The following BACH2 variants were observed in gnomAD, a reference collection of about 807,000 sequenced individuals.
BACH2 encodes the protein transcription regulator protein BACH2.
A neutral mutation model predicts 61.8 loss-of-function variants in BACH2; 5 were observed. The observed-to-expected ratio is 0.08, with a 90% confidence interval of 0.04 to 0.17. The LOEUF is 0.17. Ranked by LOEUF, BACH2 falls within the 10% of genes least tolerant of loss-of-function variation. BACH2 has a pLI of 1.00. For missense variants in BACH2, 824 were observed against 1,091.1 expected (o/e 0.76, Z 3.45); for synonymous variants, 446 against 440.1 (o/e 1.01, Z -0.17).
At chr6:90,096,905 T>C (rs905564610) in intron 4 of BACH2, among the ~76,000 whole-genome samples, 1 of 152,218 alleles carries the variant, frequency 6.6e-6, no homozygotes, top group Non-Finnish European at 1.5e-5. Context: ...AAATCAATCG[T>C]GCTTACTTCT....
At chr6:89,952,561 T>A (rs575005930) in intron 6 of BACH2, among the ~76,000 whole-genome samples, 1 of 152,060 alleles carries the variant, frequency 6.6e-6, no homozygotes, top group East Asian at 1.9e-4. Flanking sequence ...TGAATGGGGG[T>A]TGCAGAGTTA....
intron 6 of BACH2, among the ~76,000 whole-genome samples, chr6:90,002,946 A>G (rs1385793290): frequency 6.6e-6 from 1 of 152,092 alleles, no homozygotes; most frequent in Non-Finnish European, 1.5e-5. Flanking sequence ...CTTGTATCCA[A>G]CATATAAGAA....
chr6:90,004,520 T>C (rs767674496), intron 6 of BACH2, among the ~76,000 whole-genome samples: 27 of 152,162 alleles, frequency 1.8e-4, no homozygotes, highest in Non-Finnish European at 2.9e-4. Flanking sequence ...AACAGCCACT[T>C]TTCCCCTAGC....
chr6:90,168,228 C>T (rs893224192), intron 4 of BACH2, among the ~76,000 whole-genome samples: 3 of 152,044 alleles, frequency 2.0e-5, no homozygotes, highest in African/African-American at 7.2e-5. Context: ...TGTGGTGGTG[C>T]CTATAGTCCC....
At chr6:90,237,511 G>T (rs1167374222) in intron 3 of BACH2, among the ~76,000 whole-genome samples, 2 of 152,150 alleles carry the variant, frequency 1.3e-5, no homozygotes, top group African/African-American at 4.8e-5. Context: ...CTGCCATAAT[G>T]TTAATACTCA....
rs540636783 is a variant in BACH2, at chr6:90,243,271, A to C, written c.-275+9242T>G. On this transcript the variant is annotated intron_variant, in intron 3 of 8. Transcript: ENST00000257749. Reference sequence around the variant, plus strand: ...AGGATCGTCTTTAAAAATCCTTTACAGTCATTAAAGGTTATGCAATTCTTA... The same window carrying C: ...AGGATCGTCTTTAAAAATCCTTTACCGTCATTAAAGGTTATGCAATTCTTA... Among the ~76,000 whole-genome samples, 7 of 151,282 alleles carry C rather than the reference A, an allele frequency of 4.6e-5. No individual in the cohort carries two copies. In the South Asian group the frequency reaches 1.2e-3, roughly 27 times the overall value.
chr6:90,125,663 G>A (rs1280180648), intron 4 of BACH2, among the ~76,000 whole-genome samples: 2 of 152,230 alleles, frequency 1.3e-5, no homozygotes, highest in Non-Finnish European at 2.9e-5. Flanking sequence ...GTTGACTTCA[G>A]TGGCATGTGC....
At chr6:90,193,223 C>A (rs1768636614) in intron 4 of BACH2, among the ~76,000 whole-genome samples, 1 of 152,112 alleles carries the variant, frequency 6.6e-6, no homozygotes, top group Non-Finnish European at 1.5e-5. Flanking sequence ...AGTCCTAACC[C>A]CCAGTACCTC....
intron 5 of BACH2, among the ~76,000 whole-genome samples, chr6:90,077,650 G>T (rs10806422): frequency 0.35 from 52,830 of 151,966 alleles, 10,214 homozygotes; most frequent in East Asian, 0.81. Flanking sequence ...GAAGAGGATT[G>T]AAAAACAACC....
At position 90,099,430 on chromosome 6, in the gene BACH2, G is replaced by A. The variant is rs146564819; in HGVS notation, c.-161-10321C>T. Among the ~76,000 whole-genome samples the A allele has an allele frequency of 4.2e-4, 64 of 152,328 alleles. No individual in the cohort carries two copies. In the East Asian group the frequency reaches 0.01, roughly 24 times the overall value. ...GTCTTGCTCTGTCACCCAGGCTGGA[G>A]TACAGTGGCGTGATCATAGCTCACT... On this transcript the variant is annotated intron_variant, in intron 4 of 8. Transcript: ENST00000257749.
At chr6:90,189,260 T>C (rs924478792) in intron 4 of BACH2, among the ~76,000 whole-genome samples, 1 of 152,200 alleles carries the variant, frequency 6.6e-6, no homozygotes, top group African/African-American at 2.4e-5. Flanking sequence ...TAGGATTTCC[T>C]GGAGAGTAGT....
rs1562301484 is a variant in BACH2, at chr6:89,931,936, T to TATATATATATATATATATATTTG, written c.*471_*472insCAAATATATATATATATATATAT. ...GGCATGCAGGACTTTTGCATATGGA[T>TATATATATATATATATATATTTG]ATATATATATATATATATATATTTT... is the stretch of plus-strand genomic sequence containing the variant. On this transcript the variant is annotated 3_prime_UTR_variant, in exon 9 of 9. Coordinates refer to ENST00000257749, the MANE Select transcript of BACH2 (RefSeq NM_021813.4). 8.8e-3 allele frequency: 3 copies of TATATATATATATATATATATTTG among 340 alleles called. No homozygotes were observed. Among genetic ancestry groups the TATATATATATATATATATATTTG allele is most frequent in the Non-Finnish European group, 0.056 (3 of 54 alleles). 0.0% of individuals were successfully genotyped at this position (340 alleles called of 1,614,324 possible).
chr6:90,068,311 GCAC>G (rs1445710529), intron 5 of BACH2, among the ~76,000 whole-genome samples: 4 of 152,084 alleles, frequency 2.6e-5, no homozygotes, highest in African/African-American at 9.7e-5. Context: ...CTCATCTCAG[GCAC>G]CACTGAGTAC....
rs201359587 is a variant in BACH2 at position 89,932,532 on chromosome 6, G to A, written c.2402C>T (p.Pro801Leu). 2.9e-4 allele frequency: 473 copies of A among 1,614,076 alleles called. No individual in the cohort carries two copies. Among genetic ancestry groups the A allele is most frequent in the Non-Finnish European group, 3.5e-4 (408 of 1,180,014 alleles). The change falls in exon 9 of 9, where the codon CCG (proline) becomes CTG (leucine). Residue 801 changes from proline (P) to leucine (L), a missense_variant. By Grantham distance (98) the Pro-to-Leu change is moderately conservative. Coordinates refer to ENST00000257749, the MANE Select transcript of BACH2 (RefSeq NM_021813.4). ...TSGRRLEGTD[P>L]GTFSERGPPL... is the part of the protein sequence containing the mutation. ...AGGTCCTCTCTCTGAGAAGGTTCCC[G>A]GGTCAGTGCCTTCTAGTCTCCTCCC...
rs140951033 is a variant in BACH2, at chr6:90,294,823, G to A, written c.-446+1657C>T. Reference sequence around the variant, plus strand: ...TTTCATGTCAGCCCGAGCCTTTGCAGCAAGACGTGCCTTTCCTACATGTTA... The same window carrying A: ...TTTCATGTCAGCCCGAGCCTTTGCAACAAGACGTGCCTTTCCTACATGTTA... On this transcript the variant is annotated intron_variant, in intron 1 of 8. Coordinates refer to ENST00000257749, the MANE Select transcript of BACH2 (RefSeq NM_021813.4). Among the ~76,000 whole-genome samples the A allele has an allele frequency of 7.2e-5, 11 of 152,270 alleles. No individual in the cohort carries two copies. In the East Asian group the frequency reaches 2.1e-3, roughly 29 times the overall value.
chr6:90,243,566 T>C (rs777065508), intron 3 of BACH2, among the ~76,000 whole-genome samples: 1 of 152,200 alleles, frequency 6.6e-6, no homozygotes. Flanking sequence ...ATTCTCTGAC[T>C]AGCATTATGG....
chr6:90,040,769 T>C (rs1779494888), intron 5 of BACH2, among the ~76,000 whole-genome samples: 1 of 152,086 alleles, frequency 6.6e-6, no homozygotes, highest in Non-Finnish European at 1.5e-5. Flanking sequence ...CCTATATTTA[T>C]ACACATTACA....
intron 4 of BACH2, among the ~76,000 whole-genome samples, chr6:90,115,071 A>G (rs1034705533): frequency 1.3e-5 from 2 of 152,190 alleles, no homozygotes; most frequent in Admixed American, 1.3e-4. Flanking sequence ...AGGAATAATC[A>G]ATATCATTAA....
rs1479211346 is a variant in BACH2 at position 89,928,455 on chromosome 6, CTTCT to C, written c.*3949_*3952del. The stretch of plus-strand genomic sequence containing the variant: ...ATCATTTTCAAACCTTTGTCTGTTC[CTTCT>C]TTTTCTTCTTCTTTGATGGCAATCA... On this transcript the variant is annotated 3_prime_UTR_variant, in exon 9 of 9. Coordinates refer to ENST00000257749, the MANE Select transcript of BACH2 (RefSeq NM_021813.4). The C allele has an allele frequency of 6.6e-6, 1 of 152,320 alleles. No homozygotes were observed. The highest frequency in any genetic ancestry group is 1.9e-4 in the East Asian group (1 of 5,338). The allele number at this position is 152,320 out of a possible 1,614,324, so 9.4% of individuals were successfully genotyped here.
Sources: gnomAD v4.1 joint callset for allele counts (sites outside exome capture counted in the v4.1 genomes callset) on GRCh38, gnomAD v4.1.1 for gene constraint, MANE v1.5 for transcripts, NCBI Gene and HGNC (gene_info 2026-07-23, HGNC 2026-07-21) for gene names.